ZEB2: variants seen among roughly 807,000 people sequenced by gnomAD.
The protein encoded by ZEB2 is zinc finger E-box binding homeobox 2.
In ZEB2, 6 loss-of-function variants were observed where a neutral mutation model predicts 99.9. The observed-to-expected ratio is 0.06, with a 90% CI of 0.03 to 0.12. The LOEUF is 0.12. ZEB2 is among the 10% of genes least tolerant of loss of function. The pLI, the probability that ZEB2 is intolerant of heterozygous loss-of-function variation, is 1.00. For synonymous variants in ZEB2, 517 were observed against 542.5 expected (o/e 0.95, Z 0.65); for missense variants, 969 against 1,502.8 (o/e 0.64, Z 5.87).
chr2:144,511,314 T>C (rs1705034819), intron 2 of ZEB2: 1 of 1,019,444 alleles, frequency 9.8e-7, no homozygotes, highest in Non-Finnish European at 1.2e-6. Context: ...TGGCTTTTCT[T>C]CTTACCTCCT....
At chr2:144,477,105 C>T (rs1357586273) in intron 2 of ZEB2, among the ~76,000 whole-genome samples, 4 of 152,128 alleles carry the variant, frequency 2.6e-5, no homozygotes, top group African/African-American at 9.7e-5. Context: ...AGGCCCTACC[C>T]TATTTTAAAT....
At chr2:144,461,209 G>C (rs184553875) in intron 2 of ZEB2, 1 of 151,502 alleles carries the variant, frequency 6.6e-6, no homozygotes, top group African/African-American at 2.4e-5. Context: ...AGTACGGAAA[G>C]GTTTATTACC....
intron 1 of ZEB2, chr2:144,519,731 T>G: frequency 9.4e-6 from 3 of 320,502 alleles, no homozygotes; most frequent in East Asian, 8.4e-5. Flanking sequence ...GGAGAGAGAG[T>G]GTGAGTGTAA....
intron 9 of ZEB2, among the ~76,000 whole-genome samples, chr2:144,394,013 C>T (rs1236775300): frequency 6.6e-6 from 1 of 152,148 alleles, no homozygotes; most frequent in Non-Finnish European, 1.5e-5. Flanking sequence ...CCTCCGCCTC[C>T]CGGGTTCAAG....
chr2:144,406,384 T>C (rs1483416463), intron 4 of ZEB2, among the ~76,000 whole-genome samples: 1 of 152,142 alleles, frequency 6.6e-6, no homozygotes, highest in Non-Finnish European at 1.5e-5. Context: ...AAACACATCA[T>C]TACAAACTCA....
chr2:144,484,242 C>A (rs1704562954), intron 2 of ZEB2, among the ~76,000 whole-genome samples: 2 of 138,354 alleles, frequency 1.4e-5, no homozygotes, highest in Admixed American at 1.5e-4. Flanking sequence ...ATATTGGCAA[C>A]CAATTCAAAT....
At chr2:144,511,977 G>T (rs1193449319) in intron 2 of ZEB2, 1 of 1,287,148 alleles carries the variant, frequency 7.8e-7, no homozygotes, top group Admixed American at 2.3e-5. Flanking sequence ...CTGCATCACA[G>T]ATTTTCCTCC....
At chr2:144,504,797 G>A (rs1457770290) in intron 2 of ZEB2, among the ~76,000 whole-genome samples, 1 of 152,182 alleles carries the variant, frequency 6.6e-6, no homozygotes, top group African/African-American at 2.4e-5. Flanking sequence ...AACAGAGGCA[G>A]TGCAGGCATT....
At chr2:144,513,015 A>G in intron 2 of ZEB2, 1 of 1,287,270 alleles carries the variant, frequency 7.8e-7, no homozygotes, top group Non-Finnish European at 1.0e-6. Flanking sequence ...GTCTGGACTG[A>G]CAGTGATCCG....
intron 2 of ZEB2, among the ~76,000 whole-genome samples, chr2:144,499,917 G>A (rs926045586): frequency 1.3e-5 from 2 of 152,172 alleles, no homozygotes; most frequent in East Asian, 1.9e-4. Context: ...GTAAAAAACT[G>A]ATGGATTGTG....
At chr2:144,516,060 T>G (rs902885798) in intron 2 of ZEB2, 2 of 152,092 alleles carry the variant, frequency 1.3e-5, no homozygotes, top group African/African-American at 4.8e-5. Context: ...TCCCAGCGCC[T>G]GCCTCGGGAG....
intron 3 of ZEB2, among the ~76,000 whole-genome samples, chr2:144,425,807 A>G (rs1261978436): frequency 6.6e-6 from 1 of 152,170 alleles, no homozygotes; most frequent in Non-Finnish European, 1.5e-5. Flanking sequence ...TTACTATGAC[A>G]ATACTAATGA....
rs1048904059 is a variant in ZEB2 at position 144,389,203 on chromosome 2, A to C, written c.*248T>G. On this transcript the variant is annotated 3_prime_UTR_variant, in exon 10 of 10. Coordinates refer to ENST00000627532, the MANE Select transcript of ZEB2 (RefSeq NM_014795.4). This position sits in a 1 kb window ranked among gnomAD's most constrained non-coding sequence, Gnocchi z 6.8. ...AAGTATAAATGCTATTAAACACAGG[A>C]ATTAGTCTCTGAACCACACAGTTTT... 1.1e-4 allele frequency: 65 copies of C among 598,052 alleles called. No individual in the cohort carries two copies. Among genetic ancestry groups the C allele is most frequent in the Non-Finnish European group, 1.5e-4 (52 of 338,638 alleles). The allele number at this position is 598,052 out of a possible 1,614,324, so 37.0% of individuals were successfully genotyped here. A position where few individuals can be genotyped will look rare whatever the true frequency, so the allele number is the denominator to read the frequency against.
intron 2 of ZEB2, among the ~76,000 whole-genome samples, chr2:144,442,090 C>T (rs1274811051): frequency 6.6e-6 from 1 of 152,128 alleles, no homozygotes; most frequent in Non-Finnish European, 1.5e-5. Context: ...TCAAAATCTT[C>T]CTTGATGATA....
At position 144,389,431 on chromosome 2, in the gene ZEB2, G is replaced by A. The variant is rs1423228755; in HGVS notation, c.*20C>T. On this transcript the variant is annotated 3_prime_UTR_variant, in exon 10 of 10. Coordinates refer to ENST00000627532, the MANE Select transcript of ZEB2 (RefSeq NM_014795.4). This position sits in a 1 kb window ranked among gnomAD's most constrained non-coding sequence, Gnocchi z 6.8. ...ATACTACTGGAAAAAAAAATAGGAA[G>A]CTTAAAATGCAGTAGTTTATTACAT... The A allele has an allele frequency of 1.2e-6, 2 of 1,613,552 alleles. No individual in the cohort carries two copies. Among genetic ancestry groups the A allele is most frequent in the Non-Finnish European group, 1.7e-6 (2 of 1,179,560 alleles).
Position 144,409,597 on chromosome 2 carries a change from G to A in ZEB2, c.404-4573C>T, listed in dbSNP as rs529118979. Among the ~76,000 whole-genome samples the A allele has an allele frequency of 2.4e-4, 36 of 152,240 alleles. No individual in the cohort carries two copies. In the South Asian group the frequency reaches 7.5e-3, roughly 32 times the overall value. ...AATTTCTTCCCATACCTTCTCCAGAGATTTTGCATTTAGTCCTAAAATTTA... is the reference window on the plus strand; with the variant it reads ...AATTTCTTCCCATACCTTCTCCAGAAATTTTGCATTTAGTCCTAAAATTTA... On this transcript the variant is annotated intron_variant, in intron 4 of 9. Coordinates refer to ENST00000627532, the MANE Select transcript of ZEB2 (RefSeq NM_014795.4).
intron 2 of ZEB2, among the ~76,000 whole-genome samples, chr2:144,460,600 A>G (rs1704179708): frequency 6.6e-6 from 1 of 152,138 alleles, no homozygotes; most frequent in Admixed American, 6.6e-5. Flanking sequence ...TCTCATCTTA[A>G]GTGTAACACT....
chr2:144,402,743 G>C (rs1703330002), intron 6 of ZEB2, among the ~76,000 whole-genome samples: 1 of 151,984 alleles, frequency 6.6e-6, no homozygotes, highest in Non-Finnish European at 1.5e-5. Context: ...GTGCATATAA[G>C]CAAGGGGAGA....
chr2:144,436,112 T>C lies in ZEB2; in HGVS notation c.74-6086A>G, dbSNP rs552367718. Reference sequence around the variant, plus strand: ...TGAATTTGAACATCTGTCACTGAAATGCATGAATCTTGATTTCTCCATTTA... The same window carrying C: ...TGAATTTGAACATCTGTCACTGAAACGCATGAATCTTGATTTCTCCATTTA... On this transcript the variant is annotated intron_variant, in intron 2 of 9. Coordinates refer to ENST00000627532, the MANE Select transcript of ZEB2 (RefSeq NM_014795.4). 6.6e-5 allele frequency among the ~76,000 whole-genome samples: 10 copies of C among 152,272 alleles called. No homozygotes were observed. In the East Asian group the frequency reaches 1.9e-3, roughly 29 times the overall value.
Sources: gnomAD v4.1 joint callset for allele counts (sites outside exome capture counted in the v4.1 genomes callset) on GRCh38, gnomAD v4.1.1 for gene constraint, Gnocchi (gnomAD v3.1) non-coding constraint, MANE v1.5 for transcripts, NCBI Gene and HGNC (gene_info 2026-07-23, HGNC 2026-07-21) for gene names.